The following TYW1 variants were observed in gnomAD, a reference collection of about 807,000 sequenced individuals.
TYW1 encodes the protein tRNA-yW synthesizing protein 1 homolog.
Under a neutral mutation model 96.2 loss-of-function variants are expected in TYW1, and 46 were observed. The ratio of observed to expected loss-of-function variants is 0.48; its 90% CI spans 0.38 to 0.61. TYW1 has a LOEUF of 0.61. Ranked by LOEUF, TYW1 falls within the 20% of genes least tolerant of loss-of-function variation. The pLI is 0.00. For synonymous variants in TYW1, 274 were observed against 323.0 expected, an observed-to-expected ratio of 0.85 and a Z score of 1.63; for missense variants, 684 against 909.6, an observed-to-expected ratio of 0.75 and a Z score of 3.19.
intron 7 of TYW1, 45 bp from the exon 8 acceptor site, chr7:67,049,904 G>T (rs1035271003): frequency 7.5e-6 from 12 of 1,609,676 alleles, no homozygotes; most frequent in Non-Finnish European, 1.0e-5. Flanking sequence ...TATTTACATT[G>T]CACATTACCA....
chr7:67,022,638 C>A (rs59248739), intron 6 of TYW1, among the ~76,000 whole-genome samples: 49,595 of 152,016 alleles, frequency 0.33, 8,322 homozygotes, highest in East Asian at 0.53. Flanking sequence ...TAATTGTTAG[C>A]AAGTATGTTT....
chr7:67,102,999 T>C (rs1797135161), intron 12 of TYW1, among the ~76,000 whole-genome samples: 1 of 152,202 alleles, frequency 6.6e-6, no homozygotes, highest in African/African-American at 2.4e-5. Context: ...TGAAGGGTGC[T>C]GTGCTTCAGG....
chr7:67,136,368 G>A (rs1472692635), intron 13 of TYW1, among the ~76,000 whole-genome samples: 1 of 152,160 alleles, frequency 6.6e-6, no homozygotes, highest in Non-Finnish European at 1.5e-5. Context: ...TCATGGGTTA[G>A]CGTATGAAAC....
At position 67,218,672 on chromosome 7, in the gene TYW1, CTGTTTT is replaced by C. The variant is rs569622748; in HGVS notation, c.1978-19622_1978-19617del. On this transcript the variant is annotated intron_variant, in intron 15 of 15. Transcript: ENST00000359626. ...ACTATGGTGGCTATTGTTTATGAAC[CTGTTTT>C]TGTTTTTGTTTTTTCTTTTCAGATT... Among the ~76,000 whole-genome samples the C allele has an allele frequency of 3.1e-4, 47 of 152,210 alleles. No homozygotes were observed. The South Asian group carries it at 8.9e-3, about 29-fold the overall frequency.
At chr7:67,010,569 G>A (rs1449947164) in intron 4 of TYW1, among the ~76,000 whole-genome samples, 3 of 150,888 alleles carry the variant, frequency 2.0e-5, no homozygotes, top group African/African-American at 2.4e-5. Context: ...TCCGCCTCCC[G>A]GGTTCACGCC....
chr7:67,006,736 G>A (rs528048215), intron 3 of TYW1, among the ~76,000 whole-genome samples: 6 of 151,866 alleles, frequency 4.0e-5, no homozygotes, highest in South Asian at 4.2e-4. Context: ...CACCATGCCC[G>A]GCCAGGTATT....
In TYW1 at chr7:67,009,617, C is replaced by A. The variant is rs748628175; in HGVS notation, c.308C>A (p.Ser103Tyr). 6.2e-7 allele frequency: 1 copy of A among 1,612,404 alleles called. No individual in the cohort carries two copies. The highest frequency in any genetic ancestry group is 1.7e-5 in the Admixed American group (1 of 59,652). The change falls in exon 4 of 16, where the codon TCC becomes TAC. Residue 103 changes from serine (S) to tyrosine (Y), a missense_variant. Physicochemically the swap from Ser to Tyr is moderately radical, Grantham distance 144 (BLOSUM62 -2). Coordinates refer to ENST00000359626, the MANE Select transcript of TYW1 (RefSeq NM_018264.4). ...FATVLAEAVT[S>Y]LDLPVAIINL... is the part of the protein sequence containing the mutation. Reference sequence around the variant, plus strand: ...ACAGTTCTTGCTGAAGCAGTTACATCCCTGGATCTGCCTGTGGCCATTATT... The same window carrying A: ...ACAGTTCTTGCTGAAGCAGTTACATACCTGGATCTGCCTGTGGCCATTATT...
rs569352461 is a variant in TYW1, at chr7:67,207,671, T to C, written c.1977+12334T>C. Among the ~76,000 whole-genome samples the C allele has an allele frequency of 7.3e-5, 10 of 137,562 alleles. No individual in the cohort carries two copies. The East Asian group carries it at 2.1e-3, about 29-fold the overall frequency. 90.2% of individuals were successfully genotyped at this position (137,562 alleles called of 152,430 possible). On this transcript the variant is annotated intron_variant, in intron 15 of 15. Coordinates refer to ENST00000359626, the MANE Select transcript of TYW1 (RefSeq NM_018264.4). Reference sequence around the variant, plus strand: ...GACATTTGTTTATCTACTTCACAAATTTTGTTTGCCTTTTTTTTTTTTGGA... The same window carrying C: ...GACATTTGTTTATCTACTTCACAAACTTTGTTTGCCTTTTTTTTTTTTGGA...
chr7:67,030,964 A>G, intron 7 of TYW1, among the ~76,000 whole-genome samples: 1 of 150,816 alleles, frequency 6.6e-6, no homozygotes, highest in African/African-American at 2.4e-5. Context: ...ACTTTGGGAG[A>G]CCGAGGTGGG....
chr7:67,148,486 C>G (rs1356815925), intron 13 of TYW1, among the ~76,000 whole-genome samples: 1 of 133,310 alleles, frequency 7.5e-6, no homozygotes, highest in Non-Finnish European at 1.5e-5. Flanking sequence ...AGTGCAGTGG[C>G]GTGATCTCGG....
chr7:67,170,242 G>A (rs1015875335), intron 13 of TYW1, among the ~76,000 whole-genome samples: 2 of 152,180 alleles, frequency 1.3e-5, no homozygotes, highest in Non-Finnish European at 2.9e-5. Context: ...TGGCTGTTAA[G>A]TGTATGGGTT....
chr7:67,126,549 C>T (rs1797919481), intron 13 of TYW1, among the ~76,000 whole-genome samples: 1 of 138,876 alleles, frequency 7.2e-6, no homozygotes, highest in Non-Finnish European at 1.5e-5. Flanking sequence ...AATCCACGGT[C>T]ATCTAGACTT....
At chr7:67,156,400 C>T (rs1798977469) in intron 13 of TYW1, among the ~76,000 whole-genome samples, 1 of 152,144 alleles carries the variant, frequency 6.6e-6, no homozygotes, top group Admixed American at 6.5e-5. Flanking sequence ...ATCTTCATGC[C>T]CAGAGAAACC....
At chr7:67,095,469 G>A (rs1035476333) in intron 11 of TYW1, among the ~76,000 whole-genome samples, 1 of 148,020 alleles carries the variant, frequency 6.8e-6, no homozygotes, top group Non-Finnish European at 1.5e-5. Flanking sequence ...GGCCAACATA[G>A]TGAAACCCCA....
At chr7:67,058,406 G>C (rs1176109139) in intron 9 of TYW1, among the ~76,000 whole-genome samples, 1 of 152,204 alleles carries the variant, frequency 6.6e-6, no homozygotes, top group South Asian at 2.1e-4. Flanking sequence ...TCTTCAGGGG[G>C]TCATTGGCCG....
chr7:67,036,318 T>C (rs936970981), intron 7 of TYW1, among the ~76,000 whole-genome samples: 1 of 151,860 alleles, frequency 6.6e-6, no homozygotes, highest in Non-Finnish European at 1.5e-5. Flanking sequence ...TATAAAAACA[T>C]GTTTACAGAC....
chr7:67,185,648 A>G (rs941062963), intron 14 of TYW1, among the ~76,000 whole-genome samples: 8 of 151,988 alleles, frequency 5.3e-5, no homozygotes, highest in Non-Finnish European at 1.0e-4. Flanking sequence ...CCTGTTGGCA[A>G]CATTAAATTT....
At chr7:67,215,408 A>G (rs1399959740) in intron 15 of TYW1, among the ~76,000 whole-genome samples, 3 of 151,976 alleles carry the variant, frequency 2.0e-5, no homozygotes, top group Admixed American at 6.6e-5. Context: ...TCCTCAGGCT[A>G]TTAAACTTAC....
intron 15 of TYW1, among the ~76,000 whole-genome samples, chr7:67,218,790 AAC>A (rs1327679067): frequency 1.3e-5 from 2 of 152,132 alleles, no homozygotes; most frequent in African/African-American, 4.8e-5. Flanking sequence ...TATTAGTTTA[AAC>A]AGTTTTTTGG....
Sources: allele counts gnomAD v4.1 joint callset (sites outside exome capture counted in the v4.1 genomes callset), GRCh38; gene constraint gnomAD v4.1.1; transcripts MANE v1.5; gene names NCBI Gene and HGNC (gene_info 2026-07-23, HGNC 2026-07-21).